Variants in BABAM2 observed in about 807,000 individuals in gnomAD.
The protein encoded by BABAM2 is BRISC and BRCA1-A complex member 2.
In BABAM2, 31 loss-of-function variants were observed where a neutral mutation model predicts 54.7. The observed-to-expected ratio is 0.57, with a 90% confidence interval of 0.43 to 0.77. The LOEUF (loss-of-function observed/expected upper bound fraction) is 0.77, where lower values mean the gene tolerates loss of function less well. BABAM2 is among the 30% of genes least tolerant of loss of function. BABAM2 has a pLI of 0.00. For missense variants in BABAM2, 364 were observed against 455.8 expected, an observed-to-expected ratio of 0.80 and a Z score of 1.83; for synonymous variants, 167 against 162.9, an observed-to-expected ratio of 1.03 and a Z score of -0.19.
chr2:28,205,645 G>A (rs1326794342), intron 7 of BABAM2, among the ~76,000 whole-genome samples: 1 of 152,162 alleles, frequency 6.6e-6, no homozygotes, highest in Non-Finnish European at 1.5e-5. Context: ...CTTCAGTGAA[G>A]CTCTTCCTAT....
chr2:28,084,645 G>A (rs1424449241), intron 6 of BABAM2, among the ~76,000 whole-genome samples: 1 of 152,092 alleles, frequency 6.6e-6, no homozygotes, highest in African/African-American at 2.4e-5. Context: ...TGTGCTGTTA[G>A]CATTGTCATC....
chr2:28,265,158 C>T (rs1242371802), intron 10 of BABAM2, among the ~76,000 whole-genome samples: 3 of 152,078 alleles, frequency 2.0e-5, no homozygotes, highest in African/African-American at 4.8e-5. Context: ...ACAATTAGGC[C>T]GGGCGCGGTG....
intron 6 of BABAM2, among the ~76,000 whole-genome samples, chr2:28,075,830 G>A (rs1254134665): frequency 6.6e-6 from 1 of 152,074 alleles, no homozygotes; most frequent in Non-Finnish European, 1.5e-5. Flanking sequence ...TTGAATGAGA[G>A]ACTCTGTACT....
intron 4 of BABAM2, among the ~76,000 whole-genome samples, chr2:28,024,262 C>T (rs919776290): frequency 6.6e-6 from 1 of 151,992 alleles, no homozygotes; most frequent in African/African-American, 2.4e-5. Context: ...AAAAATTAGC[C>T]GGGCCTGGTG....
intron 4 of BABAM2, among the ~76,000 whole-genome samples, chr2:28,016,845 C>T (rs1381176671): frequency 5.3e-5 from 8 of 152,088 alleles, no homozygotes; most frequent in East Asian, 1.9e-4. Flanking sequence ...TCATTTTGTT[C>T]GTAATAGTTG....
intron 7 of BABAM2, among the ~76,000 whole-genome samples, chr2:28,156,396 G>A (rs1298146442): frequency 6.6e-6 from 1 of 152,114 alleles, no homozygotes; most frequent in African/African-American, 2.4e-5. Context: ...TTGAGACCAT[G>A]TATTATTTAT....
At chr2:28,312,782 C>T (rs574113868) in intron 11 of BABAM2, among the ~76,000 whole-genome samples, 3 of 151,852 alleles carry the variant, frequency 2.0e-5, no homozygotes, top group Non-Finnish European at 2.9e-5. Flanking sequence ...ACTGCCAGGT[C>T]TAAATATGGT....
chr2:27,971,084 T>G (rs1252093529), intron 3 of BABAM2, among the ~76,000 whole-genome samples: 3 of 152,144 alleles, frequency 2.0e-5, no homozygotes, highest in Non-Finnish European at 1.5e-5. Flanking sequence ...TGTCTACCAG[T>G]TTTTCTCATT....
chr2:28,037,768 CT>C (rs1676768998), intron 5 of BABAM2, among the ~76,000 whole-genome samples: 1 of 152,276 alleles, frequency 6.6e-6, no homozygotes, highest in African/African-American at 2.4e-5. Context: ...GGCCAAGTAG[CT>C]CCTGTTGACC....
Position 28,244,928 on chromosome 2 carries a change from A to T in BABAM2, c.934+66A>T, listed in dbSNP as rs551650215. 3 of 1,378,588 alleles carry T rather than the reference A, an allele frequency of 2.2e-6. No homozygotes were observed. The East Asian group carries it at 6.9e-5, about 32-fold the overall frequency. The allele number at this position is 1,378,588 out of a possible 1,614,324, so 85.4% of individuals were successfully genotyped here. A position where few individuals can be genotyped will look rare whatever the true frequency, so the allele number is the denominator to read the frequency against. ...TAAATGTCCTAAACCACATGTAATA[A>T]TCAGTACTAGAACCTTTTCTGTCCT... On this transcript the variant is annotated intron_variant, in intron 10 of 11. Transcript: ENST00000379624.
intron 7 of BABAM2, among the ~76,000 whole-genome samples, chr2:28,181,664 A>G (rs1675640638): frequency 6.6e-6 from 1 of 152,154 alleles, no homozygotes; most frequent in African/African-American, 2.4e-5. Flanking sequence ...AAAATATTAC[A>G]TATACCCCAT....
chr2:28,026,887 GATATATATAAATATATATAA>G lies in BABAM2; in HGVS notation c.495+1476_495+1495del, dbSNP rs1427544229. The stretch of plus-strand genomic sequence containing the variant: ...AGATATATATATTTATATATATATA[GATATATATAAATATATATAA>G]ATATATATTAATATATATAAATATA... On this transcript the variant is annotated intron_variant, in intron 5 of 11. Transcript: ENST00000379624. Among the ~76,000 whole-genome samples the G allele has an allele frequency of 1.8e-4, 11 of 60,906 alleles. No homozygotes were observed. In the South Asian group the frequency reaches 3.5e-3, roughly 19 times the overall value. The allele number at this position is 60,906 out of a possible 152,430, so 40.0% of individuals were successfully genotyped here. A position where few individuals can be genotyped will look rare whatever the true frequency, so the allele number is the denominator to read the frequency against.
intron 7 of BABAM2, among the ~76,000 whole-genome samples, chr2:28,141,364 A>G (rs1470886573): frequency 6.6e-6 from 1 of 152,226 alleles, no homozygotes; most frequent in African/African-American, 2.4e-5. Context: ...AGGATATATA[A>G]TGGATGATCA....
At chr2:28,293,712 G>C (rs369070501) in intron 10 of BABAM2, among the ~76,000 whole-genome samples, 1 of 152,184 alleles carries the variant, frequency 6.6e-6, no homozygotes, top group Admixed American at 6.5e-5. Context: ...AGTTCTTGAA[G>C]AATGCTTCAG....
At chr2:27,942,349 A>ATTATT (rs1010644654) in intron 3 of BABAM2, among the ~76,000 whole-genome samples, 29 of 152,048 alleles carry the variant, frequency 1.9e-4, no homozygotes, top group Admixed American at 1.4e-3. Flanking sequence ...ATACCGTGCT[A>ATTATT]TTATTTTATT....
intron 7 of BABAM2, among the ~76,000 whole-genome samples, chr2:28,183,372 C>A (rs1289299247): frequency 6.6e-6 from 1 of 152,074 alleles, no homozygotes; most frequent in Non-Finnish European, 1.5e-5. Flanking sequence ...ACCTGGGAGG[C>A]AGAGGTTGCA....
chr2:28,153,404 A>G (rs1672244122), intron 7 of BABAM2, among the ~76,000 whole-genome samples: 1 of 152,198 alleles, frequency 6.6e-6, no homozygotes, highest in Non-Finnish European at 1.5e-5. Context: ...ATTTCTTGAC[A>G]TTGCATTTTT....
chr2:28,165,389 A>G (rs1188661948), intron 7 of BABAM2, among the ~76,000 whole-genome samples: 1 of 152,110 alleles, frequency 6.6e-6, no homozygotes, highest in Non-Finnish European at 1.5e-5. Context: ...AAAACAGCAG[A>G]TGCAAGAGGT....
intron 6 of BABAM2, among the ~76,000 whole-genome samples, chr2:28,057,721 ATACT>A (rs1278810497): frequency 1.3e-5 from 2 of 152,220 alleles, no homozygotes; most frequent in Admixed American, 1.3e-4. Flanking sequence ...TGTTAGGATA[ATACT>A]TAATTATTAA....
Sources: gnomAD v4.1 joint callset for allele counts (sites outside exome capture counted in the v4.1 genomes callset) on GRCh38, gnomAD v4.1.1 for gene constraint, MANE v1.5 for transcripts, NCBI Gene and HGNC (gene_info 2026-07-23, HGNC 2026-07-21) for gene names.